The following ANO2 variants were observed in gnomAD, a reference collection of about 807,000 sequenced individuals.
The protein encoded by ANO2 is anoctamin 2, also known as anoctamin-2.
Under a neutral mutation model 124.2 loss-of-function variants are expected in ANO2, and 101 were observed. The ratio of observed to expected loss-of-function variants is 0.81; its 90% CI spans 0.69 to 0.96. The LOEUF is 0.96. Among genes scored for constraint, ANO2 ranks in the 40% least tolerant of loss-of-function variants. The pLI, the probability that ANO2 is intolerant of heterozygous loss-of-function variation, is 0.00. For missense variants in ANO2, 1,293 were observed against 1,274.5 expected (o/e 1.01, Z -0.22); for synonymous variants, 486 against 482.5 (o/e 1.01, Z -0.09).
At chr12:5,615,615 C>T (rs1944765575) in intron 16 of ANO2, among the ~76,000 whole-genome samples, 1 of 152,112 alleles carries the variant, frequency 6.6e-6, no homozygotes, top group Non-Finnish European at 1.5e-5. Flanking sequence ...TGCAACCACC[C>T]CCTTTTCTGC....
intron 10 of ANO2, among the ~76,000 whole-genome samples, chr12:5,790,597 G>A (rs1952669154): frequency 6.6e-6 from 1 of 152,034 alleles, no homozygotes; most frequent in Non-Finnish European, 1.5e-5. Flanking sequence ...TGTGTAATCT[G>A]CTACCCTGAA....
intron 3 of ANO2, among the ~76,000 whole-genome samples, chr12:5,882,976 T>C (rs989143852): frequency 6.6e-6 from 1 of 152,160 alleles, no homozygotes; most frequent in African/African-American, 2.4e-5. Flanking sequence ...AGACGGCTGC[T>C]GCATGAGCAG....
chr12:5,835,298 A>G (rs1954281650), intron 4 of ANO2, among the ~76,000 whole-genome samples: 1 of 152,190 alleles, frequency 6.6e-6, no homozygotes, highest in South Asian at 2.1e-4. Context: ...TGCCTTGTGC[A>G]GCAGATCTCC....
At chr12:5,828,866 GAC>G (rs1380187045) in intron 6 of ANO2, among the ~76,000 whole-genome samples, 1 of 152,224 alleles carries the variant, frequency 6.6e-6, no homozygotes, top group Non-Finnish European at 1.5e-5. Context: ...GAGGTGCTCA[GAC>G]ACCCACAAAG....
chr12:5,578,769 A>G (rs1942571354), intron 20 of ANO2, among the ~76,000 whole-genome samples: 1 of 152,244 alleles, frequency 6.6e-6, no homozygotes, highest in Non-Finnish European at 1.5e-5. Flanking sequence ...CAAGAAAAAA[A>G]AGTCTTAATT....
chr12:5,929,514 T>C (rs1176896349), intron 1 of ANO2, among the ~76,000 whole-genome samples: 1 of 96,524 alleles, frequency 1.0e-5, no homozygotes, highest in African/African-American at 4.4e-5. Flanking sequence ...TCTTTCCTTA[T>C]TAGTCACTTT....
chr12:5,693,796 C>T (rs979883187), intron 14 of ANO2, among the ~76,000 whole-genome samples: 2 of 152,148 alleles, frequency 1.3e-5, no homozygotes, highest in African/African-American at 2.4e-5. Context: ...GCTTCCTCTG[C>T]CCGGATTCCT....
chr12:5,588,891 G>A (rs959390385), intron 20 of ANO2, among the ~76,000 whole-genome samples: 5 of 152,130 alleles, frequency 3.3e-5, no homozygotes, highest in African/African-American at 7.2e-5. Context: ...GAAATTATAC[G>A]ACGCCATGCC....
intron 10 of ANO2, among the ~76,000 whole-genome samples, chr12:5,784,126 C>T (rs1952476812): frequency 6.6e-6 from 1 of 151,766 alleles, no homozygotes; most frequent in African/African-American, 2.4e-5. Flanking sequence ...TGTGCTTTTT[C>T]GACCTTTCAT....
At chr12:5,806,439 G>A (rs752826462) in intron 8 of ANO2, among the ~76,000 whole-genome samples, 14 of 152,312 alleles carry the variant, frequency 9.2e-5, no homozygotes, top group Non-Finnish European at 1.6e-4. Context: ...CACTCTGTCC[G>A]TAACTGCAGA....
In ANO2 at chr12:5,622,474, G is replaced by A. The variant is rs146207922; in HGVS notation, c.1817-7177C>T. ...CAAAATCAGCTCGGTGCCCCAGCTT[G>A]GAGCAGCTCTGAGTCACAGTGTGTG... On this transcript the variant is annotated intron_variant, in intron 16 of 24. Coordinates refer to ENST00000682330, the MANE Select transcript of ANO2 (RefSeq NM_001364791.2). Among the ~76,000 whole-genome samples the A allele has an allele frequency of 1.2e-3, 183 of 152,302 alleles. 1 individual carries two copies. Among genetic ancestry groups the A allele is most frequent in the African/African-American group, 4.4e-3 (181 of 41,564 alleles).
intron 14 of ANO2, among the ~76,000 whole-genome samples, chr12:5,655,142 A>G (rs541308053): frequency 1.3e-5 from 2 of 151,520 alleles, no homozygotes; most frequent in African/African-American, 4.8e-5. Flanking sequence ...TTTTATTGGG[A>G]AAAAAAAACT....
intron 3 of ANO2, among the ~76,000 whole-genome samples, chr12:5,891,182 A>ATC (rs1474919324): frequency 3.3e-4 from 50 of 152,372 alleles, no homozygotes; most frequent in African/African-American, 1.1e-3. Context: ...TAGCATGGAC[A>ATC]GAGAGAGCCG....
intron 14 of ANO2, among the ~76,000 whole-genome samples, chr12:5,694,652 G>A (rs909982947): frequency 3.9e-5 from 6 of 152,188 alleles, no homozygotes; most frequent in Non-Finnish European, 7.3e-5. Flanking sequence ...TCAGAATATC[G>A]ATTTCAAAAT....
intron 23 of ANO2, among the ~76,000 whole-genome samples, chr12:5,567,273 G>A (rs970845431): frequency 5.3e-5 from 8 of 152,168 alleles, no homozygotes; most frequent in East Asian, 1.9e-4. Context: ...CATCATAACC[G>A]TCCTCAGCTG....
At chr12:5,572,426 A>G (rs1362255065) in intron 23 of ANO2, among the ~76,000 whole-genome samples, 1 of 152,176 alleles carries the variant, frequency 6.6e-6, no homozygotes, top group Non-Finnish European at 1.5e-5. Context: ...TTCATTCTTC[A>G]GGTTTCATCT....
At chr12:5,920,062 T>C (rs1008640013) in intron 3 of ANO2, among the ~76,000 whole-genome samples, 1 of 148,762 alleles carries the variant, frequency 6.7e-6, no homozygotes, top group East Asian at 2.0e-4. Context: ...GATGGATGGA[T>C]GGATGGATGG....
intron 3 of ANO2, among the ~76,000 whole-genome samples, chr12:5,910,353 A>G (rs981132219): frequency 2.6e-5 from 4 of 151,962 alleles, no homozygotes; most frequent in Non-Finnish European, 4.4e-5. Context: ...TAATTTTTGT[A>G]TTTTTAGTAG....
chr12:5,780,499 C>T (rs1211115673), intron 10 of ANO2, among the ~76,000 whole-genome samples: 1 of 152,230 alleles, frequency 6.6e-6, no homozygotes, highest in African/African-American at 2.4e-5. Context: ...GCTCCAAAAG[C>T]CATCACAGAA....
Sources: allele counts gnomAD v4.1 joint callset (sites outside exome capture counted in the v4.1 genomes callset), GRCh38; gene constraint gnomAD v4.1.1; transcripts MANE v1.5; gene names NCBI Gene and HGNC (gene_info 2026-07-23, HGNC 2026-07-21).